Variants in XKR9 observed in about 807,000 individuals in gnomAD.
The protein encoded by XKR9 is XK-related protein 9.
Under a neutral mutation model 32.0 loss-of-function variants are expected in XKR9, and 32 were observed. The observed-to-expected ratio is 1.00, with a 90% CI of 0.76 to 1.34. XKR9 has a LOEUF of 1.34. XKR9 is among the 40% of genes most tolerant of loss of function. XKR9 has a pLI of 0.00. For synonymous variants in XKR9, 168 were observed against 143.4 expected, an observed-to-expected ratio of 1.17 and a Z score of -1.22; for missense variants, 546 against 429.7, an observed-to-expected ratio of 1.27 and a Z score of -2.39.
At chr8:70,773,525 C>T (rs1344010708) in intron 2 of XKR9, among the ~76,000 whole-genome samples, 1 of 152,090 alleles carries the variant, frequency 6.6e-6, no homozygotes, top group African/African-American at 2.4e-5. Flanking sequence ...TCAACATGTA[C>T]ATTTTGGGAA....
chr8:71,036,887 T>TTA, the XKR9 span, among the ~76,000 whole-genome samples: 7 of 150,982 alleles, frequency 4.6e-5, no homozygotes, highest in African/African-American at 1.7e-4. Context: ...TTTTTTTTTT[T>TTA]AAGTAGAGAC....
chr8:70,808,678 C>A, the XKR9 span, among the ~76,000 whole-genome samples: 1 of 152,234 alleles, frequency 6.6e-6, no homozygotes, highest in Non-Finnish European at 1.5e-5. Flanking sequence ...GGGTCCTACA[C>A]CCACGGAGCC....
downstream of XKR9, among the ~76,000 whole-genome samples, chr8:70,795,261 A>G (rs1261785333): frequency 6.6e-6 from 1 of 152,076 alleles, no homozygotes; most frequent in Non-Finnish European, 1.5e-5. Context: ...TTAGTTTGAT[A>G]AGAATAATGG....
the XKR9 span, among the ~76,000 whole-genome samples, chr8:71,012,694 C>T: frequency 1.3e-5 from 2 of 152,104 alleles, no homozygotes; most frequent in Non-Finnish European, 2.9e-5. Flanking sequence ...CTAGTCCTCA[C>T]AAAACTCCCC....
At chr8:70,966,874 T>C in the XKR9 span, among the ~76,000 whole-genome samples, 2 of 152,110 alleles carry the variant, frequency 1.3e-5, no homozygotes, top group Admixed American at 6.5e-5. Flanking sequence ...CATTATGTAA[T>C]GCCCTTCTTT....
At chr8:70,937,132 G>A in the XKR9 span, among the ~76,000 whole-genome samples, 1 of 151,932 alleles carries the variant, frequency 6.6e-6, no homozygotes, top group East Asian at 1.9e-4. Context: ...TCCTGCATAT[G>A]CGTATGTATG....
the XKR9 span, among the ~76,000 whole-genome samples, chr8:70,936,233 G>C: frequency 6.6e-6 from 1 of 152,008 alleles, no homozygotes; most frequent in Non-Finnish European, 1.5e-5. Context: ...CTAATAGAAG[G>C]CTTTGTGTTG....
the XKR9 span, among the ~76,000 whole-genome samples, chr8:70,910,056 AG>A: frequency 6.6e-6 from 1 of 152,022 alleles, no homozygotes; most frequent in African/African-American, 2.4e-5. Context: ...GATGTATAGT[AG>A]GTGCTCAATA....
intron 2 of XKR9, among the ~76,000 whole-genome samples, chr8:70,768,376 G>C (rs746170429): frequency 6.6e-6 from 1 of 152,072 alleles, no homozygotes; most frequent in African/African-American, 2.4e-5. Flanking sequence ...CTACATGGTG[G>C]TGAGAAGAAT....
the XKR9 span, among the ~76,000 whole-genome samples, chr8:70,911,758 G>A: frequency 9.2e-5 from 14 of 152,292 alleles, no homozygotes; most frequent in African/African-American, 3.1e-4. Context: ...AAGGTGATAA[G>A]GCAGTGTGTT....
At chr8:71,060,900 A>G in the XKR9 span, among the ~76,000 whole-genome samples, 61 of 152,154 alleles carry the variant, frequency 4.0e-4, no homozygotes, top group Non-Finnish European at 1.2e-4. Flanking sequence ...TCTGACTCCA[A>G]TTTATGATTC....
chr8:71,065,544 C>A, the XKR9 span, among the ~76,000 whole-genome samples: 4 of 152,184 alleles, frequency 2.6e-5, no homozygotes, highest in Admixed American at 6.5e-5. Flanking sequence ...CCAAGCTGAT[C>A]AATACAGGGT....
downstream of XKR9, among the ~76,000 whole-genome samples, chr8:70,794,353 T>A (rs529327616): frequency 6.6e-6 from 1 of 152,234 alleles, no homozygotes; most frequent in East Asian, 1.9e-4. Context: ...TTCTTTCTCT[T>A]GCCTAATTAC....
the XKR9 span, among the ~76,000 whole-genome samples, chr8:70,977,894 A>T: frequency 6.6e-6 from 1 of 152,058 alleles, no homozygotes; most frequent in South Asian, 2.1e-4. Flanking sequence ...GTCTCTAAGG[A>T]CTTGCTTTAT....
At chr8:70,719,777 CT>C (rs530264265) in intron 4 of XKR9, among the ~76,000 whole-genome samples, 1 of 151,976 alleles carries the variant, frequency 6.6e-6, no homozygotes, top group Non-Finnish European at 1.5e-5. Flanking sequence ...GCTATATGGG[CT>C]TTTTTTAATT....
the XKR9 span, among the ~76,000 whole-genome samples, chr8:71,061,802 TACAGCTTGGCCAGTAGTTG>T: frequency 5.9e-5 from 9 of 152,292 alleles, no homozygotes; most frequent in Admixed American, 5.9e-4. Context: ...CTCTCAGTAA[TACAGCTTGGCCAGTAGTTG>T]GGAAGGTGGG....
the XKR9 span, among the ~76,000 whole-genome samples, chr8:70,894,073 C>T: frequency 1.3e-5 from 2 of 151,916 alleles, no homozygotes; most frequent in Non-Finnish European, 2.9e-5. Context: ...TGAGGAAGAA[C>T]AGGTGTTTGG....
chr8:71,005,963 A>G, the XKR9 span, among the ~76,000 whole-genome samples: 24 of 152,266 alleles, frequency 1.6e-4, no homozygotes, highest in Non-Finnish European at 2.9e-5. Context: ...CTTTCTAAAG[A>G]AGATAGTGAG....
At chr8:71,026,564 G>C in the XKR9 span, among the ~76,000 whole-genome samples, 1 of 152,308 alleles carries the variant, frequency 6.6e-6, no homozygotes, top group East Asian at 1.9e-4. Flanking sequence ...AATTGCTATT[G>C]TCGCAGGGAA....
Sources: allele counts gnomAD v4.1 joint callset (sites outside exome capture counted in the v4.1 genomes callset), GRCh38; gene constraint gnomAD v4.1.1; transcripts MANE v1.5; gene names NCBI Gene and HGNC (gene_info 2026-07-23, HGNC 2026-07-21).